The following ST3GAL1 variants were observed in gnomAD, a reference collection of about 807,000 sequenced individuals.
ST3GAL1 encodes ST3 beta-galactoside alpha-2,3-sialyltransferase 1, also known as CMP-N-acetylneuraminate-beta-galactosamide-alpha-2,3-sialyltransferase 1.
Under a neutral mutation model 34.1 loss-of-function variants are expected in ST3GAL1, and 16 were observed. The ratio of observed to expected loss-of-function variants is 0.47; its 90% CI spans 0.32 to 0.71. The LOEUF (loss-of-function observed/expected upper bound fraction) is 0.71. Among genes scored for constraint, ST3GAL1 ranks in the 30% least tolerant of loss-of-function variants. The pLI is 0.04. For missense variants in ST3GAL1, 353 were observed against 447.4 expected (o/e 0.79, Z 1.90); for synonymous variants, 191 against 184.7 (o/e 1.03, Z -0.28).
chr8:133,554,766 C>T (rs1260527946), intron 1 of ST3GAL1, among the ~76,000 whole-genome samples: 3 of 143,948 alleles, frequency 2.1e-5, no homozygotes, highest in African/African-American at 7.9e-5. Context: ...CTTGCTCTGT[C>T]GCCAGGGTGG....
Position 133,466,543 on chromosome 8 carries a change from C to T in ST3GAL1, c.307-453G>A, listed in dbSNP as rs576710064. ...CCTTCTAGCTGTGTCTTACTCCCAC[C>T]CTGCTCAGACACCAGGGCCCAGGGG... On this transcript the variant is annotated intron_variant, in intron 5 of 9. Coordinates refer to ENST00000522652, the MANE Select transcript of ST3GAL1 (RefSeq NM_173344.3). This position sits in a 1 kb window ranked among gnomAD's most constrained non-coding sequence, Gnocchi z 4.4. Among the ~76,000 whole-genome samples the T allele has an allele frequency of 7.9e-4, 121 of 152,288 alleles. 4 individuals are homozygous for T. The South Asian group carries it at 0.024, about 30-fold the overall frequency.
At chr8:133,491,756 G>A (rs1209017812) in intron 3 of ST3GAL1, among the ~76,000 whole-genome samples, 1 of 152,146 alleles carries the variant, frequency 6.6e-6, no homozygotes, top group Non-Finnish European at 1.5e-5. Flanking sequence ...GGGAGCGTCA[G>A]GCGACAGCAG....
intron 2 of ST3GAL1, among the ~76,000 whole-genome samples, chr8:133,534,329 G>A (rs1365215839): frequency 6.6e-6 from 1 of 151,384 alleles, no homozygotes; most frequent in Non-Finnish European, 1.5e-5. Context: ...ACAGGCATTG[G>A]ACATATATTA....
At chr8:133,489,170 T>G (rs2130973231) in intron 3 of ST3GAL1, among the ~76,000 whole-genome samples, 1 of 152,288 alleles carries the variant, frequency 6.6e-6, no homozygotes, top group South Asian at 2.1e-4. Flanking sequence ...CACTTGCTGT[T>G]TCCTACACCA....
rs944330310 is a variant in ST3GAL1, at chr8:133,456,445, GA to G, written c.*3318del. The G allele has an allele frequency of 6.6e-6, 1 of 152,310 alleles. No homozygotes were observed. The highest frequency in any genetic ancestry group is 2.4e-5 in the African/African-American group (1 of 41,476). 9.4% of individuals were successfully genotyped at this position (152,310 alleles called of 1,614,324 possible). On this transcript the variant is annotated 3_prime_UTR_variant, in exon 10 of 10. Transcript: ENST00000522652. ...TCCAAGGAACTCTGTCTGCAGAGTA[GA>G]AAGAGCTGTGGGCTGGGAATCAGGG...
intron 1 of ST3GAL1, among the ~76,000 whole-genome samples, chr8:133,549,659 G>A (rs993712095): frequency 4.0e-5 from 6 of 151,192 alleles, no homozygotes; most frequent in African/African-American, 1.5e-4. Context: ...CAACCTGGAG[G>A]CTTATCTTAA....
chr8:133,563,044 C>T (rs953124715), intron 1 of ST3GAL1, among the ~76,000 whole-genome samples: 6 of 151,954 alleles, frequency 3.9e-5, no homozygotes, highest in Non-Finnish European at 5.9e-5. Flanking sequence ...TTGGGTCTTT[C>T]TCAAGAGCTC....
chr8:133,492,109 G>A (rs1816803765), intron 3 of ST3GAL1, among the ~76,000 whole-genome samples: 1 of 152,148 alleles, frequency 6.6e-6, no homozygotes, highest in Admixed American at 6.5e-5. Flanking sequence ...GACGATACGA[G>A]GGGACACTGG....
At position 133,456,778 on chromosome 8, in the gene ST3GAL1, C is replaced by T. The variant is rs542477310; in HGVS notation, c.*2986G>A. 28 of 152,358 alleles carry T rather than the reference C, an allele frequency of 1.8e-4. No individual in the cohort carries two copies. The highest frequency in any genetic ancestry group is 6.5e-4 in the Admixed American group (10 of 15,306). The allele number at this position is 152,358 out of a possible 1,614,324, so 9.4% of individuals were successfully genotyped here. On this transcript the variant is annotated 3_prime_UTR_variant, in exon 10 of 10. Transcript: ENST00000522652. The stretch of plus-strand genomic sequence containing the variant: ...CAGGCAGCCTGCAGCTAGAGCTCGG[C>T]GCTGAGAGAGCACAGGAGAGTCAGA...
At chr8:133,529,349 G>A (rs751405142) in intron 2 of ST3GAL1, among the ~76,000 whole-genome samples, 3 of 152,202 alleles carry the variant, frequency 2.0e-5, no homozygotes, top group Non-Finnish European at 4.4e-5. Flanking sequence ...ATGGGCCTTG[G>A]GAGCTTATAG....
chr8:133,465,065 C>G (rs1475959177), intron 6 of ST3GAL1, 108 bp from the exon 7 acceptor site: 1 of 1,124,856 alleles, frequency 8.9e-7, no homozygotes, highest in East Asian at 2.5e-5. Flanking sequence ...GGGGTGTCAC[C>G]TGCCTTCCCC....
At chr8:133,481,747 C>T (rs2005944) in intron 3 of ST3GAL1, among the ~76,000 whole-genome samples, 46,358 of 151,758 alleles carry the variant, frequency 0.31, 7,263 homozygotes, top group Admixed American at 0.35. Context: ...CCACCCACCT[C>T]GGCCTCCCAA....
intron 5 of ST3GAL1, among the ~76,000 whole-genome samples, chr8:133,468,813 C>A (rs1815840135): frequency 6.6e-6 from 1 of 152,164 alleles, no homozygotes; most frequent in Admixed American, 6.5e-5. Flanking sequence ...CTAACAGACT[C>A]CTGGGTGATG....
At position 133,556,796 on chromosome 8, in the gene ST3GAL1, C is replaced by T. The variant is rs1819043295; in HGVS notation, c.-581-10870G>A. Among the ~76,000 whole-genome samples the T allele has an allele frequency of 6.6e-6, 1 of 152,108 alleles. No homozygotes were observed. The highest frequency in any genetic ancestry group is 1.5e-5 in the Non-Finnish European group (1 of 68,022). Reference sequence around the variant, plus strand: ...ACCACTAACAGTCCTATTTATAGCCCTTTGAAATATGGTGTGGTGGAGGGG... The same window carrying T: ...ACCACTAACAGTCCTATTTATAGCCTTTTGAAATATGGTGTGGTGGAGGGG... On this transcript the variant is annotated intron_variant, in intron 1 of 9. Coordinates refer to ENST00000522652, the MANE Select transcript of ST3GAL1 (RefSeq NM_173344.3). This position sits in a 1 kb window ranked among gnomAD's most constrained non-coding sequence, Gnocchi z 8.9.
At chr8:133,462,358 T>C (rs1815544990) in intron 8 of ST3GAL1, among the ~76,000 whole-genome samples, 1 of 152,070 alleles carries the variant, frequency 6.6e-6, no homozygotes, top group Non-Finnish European at 1.5e-5. Context: ...CTGGACACTG[T>C]CAGTGAGTGA....
At chr8:133,549,189 T>G (rs1157777886) in intron 1 of ST3GAL1, among the ~76,000 whole-genome samples, 1 of 150,814 alleles carries the variant, frequency 6.6e-6, no homozygotes, top group Non-Finnish European at 1.5e-5. Context: ...TCACCTGAGG[T>G]TGGGAGATTG....
At chr8:133,497,454 GAAT>G (rs1444781344) in intron 3 of ST3GAL1, among the ~76,000 whole-genome samples, 21 of 31,668 alleles carry the variant, frequency 6.6e-4, no homozygotes, top group East Asian at 5.6e-3. Context: ...AATTTTGTTG[GAAT>G]TTTTTTTTTT....
chr8:133,538,069 C>T (rs980295346), intron 2 of ST3GAL1, among the ~76,000 whole-genome samples: 2 of 152,172 alleles, frequency 1.3e-5, no homozygotes, highest in Non-Finnish European at 2.9e-5. Flanking sequence ...TGGAGGGCTT[C>T]CGAAAGATCT....
intron 3 of ST3GAL1, among the ~76,000 whole-genome samples, chr8:133,492,165 G>C: frequency 6.6e-6 from 1 of 152,100 alleles, no homozygotes; most frequent in East Asian, 1.9e-4. Context: ...GGAGAACAGA[G>C]GCCAGTTCTG....
Sources: gnomAD v4.1 joint callset for allele counts (sites outside exome capture counted in the v4.1 genomes callset) on GRCh38, gnomAD v4.1.1 for gene constraint, Gnocchi (gnomAD v3.1) non-coding constraint, MANE v1.5 for transcripts, NCBI Gene and HGNC (gene_info 2026-07-23, HGNC 2026-07-21) for gene names.